Variants in CRLS1 observed in about 807,000 individuals in gnomAD.
CRLS1 encodes the protein cardiolipin synthase (CMP-forming).
In CRLS1, 24 loss-of-function variants were observed where a neutral mutation model predicts 37.0. The observed-to-expected ratio is 0.65, with a 90% CI of 0.47 to 0.91. The LOEUF (loss-of-function observed/expected upper bound fraction) is 0.91, where lower values mean the gene tolerates loss of function less well. Ranked by LOEUF, CRLS1 falls within the 40% of genes least tolerant of loss-of-function variation. The pLI, the probability that CRLS1 is intolerant of heterozygous loss-of-function variation, is 0.00. For missense variants in CRLS1, 373 were observed against 395.8 expected (o/e 0.94, Z 0.49); for synonymous variants, 135 against 159.7 (o/e 0.85, Z 1.17).
At chr20:6,007,811 C>G (rs749925339) in intron 1 of CRLS1, among the ~76,000 whole-genome samples, 4 of 152,164 alleles carry the variant, frequency 2.6e-5, no homozygotes, top group Non-Finnish European at 5.9e-5. Flanking sequence ...TCTTTGGACT[C>G]TGAAACACTC....
At chr20:6,007,275 G>A in intron 1 of CRLS1, 1 of 1,554,130 alleles carries the variant, frequency 6.4e-7, no homozygotes, top group South Asian at 1.2e-5. Context: ...GGGTTGAGGT[G>A]GCCAGATCCT....
intron 2 of CRLS1, among the ~76,000 whole-genome samples, 170 bp downstream of exon 2, chr20:6,010,082 T>G (rs879187321): frequency 9.2e-5 from 14 of 151,872 alleles, no homozygotes; most frequent in African/African-American, 3.1e-4. Flanking sequence ...ATGGGATTTT[T>G]TTTTTTTTTT....
intron 1 of CRLS1, chr20:6,007,306 T>G (rs2122896021): frequency 6.3e-7 from 1 of 1,581,966 alleles, no homozygotes. Context: ...TCAACTCCAC[T>G]GATAGCTAAA....
chr20:6,034,188 C>T (rs1980385534), intron 5 of CRLS1, among the ~76,000 whole-genome samples: 1 of 152,216 alleles, frequency 6.6e-6, no homozygotes, highest in Non-Finnish European at 1.5e-5. Flanking sequence ...TTTTGAGTTG[C>T]TGTGAGAATT....
At chr20:6,024,480 C>G (rs1333644855) in intron 3 of CRLS1, among the ~76,000 whole-genome samples, 1 of 152,168 alleles carries the variant, frequency 6.6e-6, no homozygotes, top group Non-Finnish European at 1.5e-5. Flanking sequence ...GACTGCTCCA[C>G]CAATCTGTGG....
At chr20:6,031,007 AAC>A (rs1491057521) in intron 3 of CRLS1, among the ~76,000 whole-genome samples, 3 of 152,048 alleles carry the variant, frequency 2.0e-5, no homozygotes, top group African/African-American at 4.8e-5. Context: ...GCAAGAAAAA[AAC>A]ACAAACAGAT....
chr20:6,025,142 G>C (rs1191123956), intron 3 of CRLS1, among the ~76,000 whole-genome samples: 1 of 152,220 alleles, frequency 6.6e-6, no homozygotes. Context: ...ATTGGAAGAA[G>C]ATGCCCTCTA....
chr20:6,009,818 G>A lies in CRLS1; in HGVS notation c.350G>A (p.Arg117Lys), dbSNP rs1192538298. ...WTIPNMLSMT[R>K]IGLAPVLGYL... ...ATCCCGAATATGTTGTCAATGACGA[G>A]AATTGGCTTGGCCCCAGTTCTGGGC... Residue 117 changes from arginine to lysine, a missense_variant, in exon 2 of 7, where the codon AGA (arginine) becomes AAA (lysine). Coordinates refer to ENST00000378863, the MANE Select transcript of CRLS1 (RefSeq NM_019095.6). 3.7e-6 allele frequency: 6 copies of A among 1,613,940 alleles called. No homozygotes were observed. In the African/African-American group the frequency reaches 5.3e-5, roughly 14 times the overall value.
At chr20:6,014,232 T>G (rs899915014) in intron 2 of CRLS1, among the ~76,000 whole-genome samples, 2 of 152,174 alleles carry the variant, frequency 1.3e-5, no homozygotes, top group Non-Finnish European at 2.9e-5. Context: ...AAACTAAGGC[T>G]TAGTCAGGCC....
At chr20:6,021,955 A>G (rs917197470) in intron 3 of CRLS1, among the ~76,000 whole-genome samples, 1 of 152,134 alleles carries the variant, frequency 6.6e-6, no homozygotes, top group African/African-American at 2.4e-5. Context: ...AACTCCAATT[A>G]TTTCTCTCAG....
At chr20:6,022,634 G>A (rs549305404) in intron 3 of CRLS1, among the ~76,000 whole-genome samples, 3 of 152,162 alleles carry the variant, frequency 2.0e-5, no homozygotes, top group African/African-American at 7.2e-5. Flanking sequence ...CACTGCACCC[G>A]GCCATGTTGC....
chr20:6,027,438 C>A (rs1312036410), intron 3 of CRLS1, among the ~76,000 whole-genome samples: 1 of 151,782 alleles, frequency 6.6e-6, no homozygotes, highest in African/African-American at 2.4e-5. Context: ...GACAGGGTCT[C>A]ACACTGTCAC....
At chr20:6,027,846 T>C (rs752735323) in intron 3 of CRLS1, among the ~76,000 whole-genome samples, 4 of 152,194 alleles carry the variant, frequency 2.6e-5, no homozygotes, top group Admixed American at 6.5e-5. Flanking sequence ...AGTAAGGTGT[T>C]AGGGAACGCT....
chr20:6,009,569 C>A (rs1011529141), intron 1 of CRLS1, among the ~76,000 whole-genome samples: 13 of 152,140 alleles, frequency 8.5e-5, no homozygotes, highest in Non-Finnish European at 1.5e-4. Context: ...GCCCAGCCAT[C>A]TTCTGTATTC....
At chr20:6,023,615 C>G (rs1474448045) in intron 3 of CRLS1, among the ~76,000 whole-genome samples, 1 of 148,954 alleles carries the variant, frequency 6.7e-6, no homozygotes, top group African/African-American at 2.5e-5. Flanking sequence ...TTTTATCTTT[C>G]AGATTTTCTT....
Position 6,006,128 on chromosome 20 carries a change from G to A in CRLS1, c.-119G>A, listed in dbSNP as rs1018767945. The A allele has an allele frequency of 6.3e-6, 3 of 473,288 alleles. No homozygotes were observed. The highest frequency in any genetic ancestry group is 4.1e-5 in the African/African-American group (2 of 49,364). 29.3% of individuals were successfully genotyped at this position (473,288 alleles called of 1,614,324 possible). A position where few individuals can be genotyped will look rare whatever the true frequency, so the allele number is the denominator to read the frequency against. ...TGTGCTGGGGTGTGTAAAGTAGTAT[G>A]GAGGCAGCGGTAGCCCAGTGTCTGA... On this transcript the variant is annotated 5_prime_UTR_variant, in exon 1 of 7. An upstream start codon of the reference 5' UTR is lost. Coordinates refer to ENST00000378863, the MANE Select transcript of CRLS1 (RefSeq NM_019095.6).
intron 3 of CRLS1, chr20:6,023,373 C>T (rs566536966): frequency 6.6e-6 from 1 of 152,152 alleles, no homozygotes; most frequent in African/African-American, 2.4e-5. Context: ...TTTTTTTGTT[C>T]TACCAGGTGC....
At chr20:6,008,847 TG>T (rs1172170149) in intron 1 of CRLS1, among the ~76,000 whole-genome samples, 1 of 152,234 alleles carries the variant, frequency 6.6e-6, no homozygotes, top group Non-Finnish European at 1.5e-5. Flanking sequence ...GTTGATAATT[TG>T]GCCTTTTTTC....
rs561864626 is a variant in CRLS1 at position 6,035,858 on chromosome 20, G to C, written c.822-1216G>C. 2.5e-3 allele frequency among the ~76,000 whole-genome samples: 379 copies of C among 151,032 alleles called. 5 individuals carry two copies. Among genetic ancestry groups the C allele is most frequent in the African/African-American group, 8.9e-3 (366 of 41,070 alleles). On this transcript the variant is annotated intron_variant, in intron 6 of 6. Coordinates refer to ENST00000378863, the MANE Select transcript of CRLS1 (RefSeq NM_019095.6). ...CTCGCTCTGTTGCCCAGGCTGGAGT[G>C]CAATGGCCTGATCTCAGCTCACTGC...
Sources: gnomAD v4.1 joint callset for allele counts (sites outside exome capture counted in the v4.1 genomes callset) on GRCh38, gnomAD v4.1.1 for gene constraint, MANE v1.5 for transcripts, NCBI Gene and HGNC (gene_info 2026-07-23, HGNC 2026-07-21) for gene names.